PPP6R2: variants seen among roughly 807,000 people sequenced by gnomAD.
PPP6R2 encodes the protein protein phosphatase 6 regulatory subunit 2, also known as serine/threonine-protein phosphatase 6 regulatory subunit 2.
PPP6R2 carries 62 observed loss-of-function variants against 100.2 expected under a neutral mutation model. That is an observed-to-expected ratio of 0.62 (90% CI 0.50 to 0.76). The LOEUF is 0.76. PPP6R2 is among the 30% of genes least tolerant of loss of function. The pLI is 0.00. For synonymous variants in PPP6R2, 525 were observed against 514.7 expected, an observed-to-expected ratio of 1.02 and a Z score of -0.27; for missense variants, 1,142 against 1,276.3, an observed-to-expected ratio of 0.89 and a Z score of 1.60.
At chr22:50,356,898 C>T (rs889163279) in intron 1 of PPP6R2, among the ~76,000 whole-genome samples, 13 of 151,900 alleles carry the variant, frequency 8.6e-5, no homozygotes, top group African/African-American at 4.8e-5. Context: ...CGTGCCACTG[C>T]CCTCCAGCTT....
chr22:50,423,386 G>A lies in PPP6R2; in HGVS notation c.973-76G>A. The stretch of plus-strand genomic sequence containing the variant: ...GGCTGGGTCCCAGCCTAGAGTGATG[G>A]GCATGAGCCCAGAGACTCCAGCAGT... On this transcript the variant is annotated intron_variant, in intron 9 of 23. Transcript: ENST00000612753. This position sits in a 1 kb window ranked among gnomAD's most constrained non-coding sequence, Gnocchi z 4.8. 1 of 1,575,692 alleles carries A rather than the reference G, an allele frequency of 6.3e-7. No individual in the cohort carries two copies.
Position 50,396,457 on chromosome 22 carries a change from T to C in PPP6R2, c.227+2322T>C, listed in dbSNP as rs2056893951. On this transcript the variant is annotated intron_variant, in intron 3 of 23. Coordinates refer to ENST00000612753, the MANE Select transcript of PPP6R2 (RefSeq NM_001242898.2). ...TTTCAGTGAGCCAAGATCGCTCCAC[T>C]GCACTCCAGCCTGGGCGACAGAGTG... 3.4e-5 allele frequency among the ~76,000 whole-genome samples: 5 copies of C among 147,066 alleles called. No individual in the cohort carries two copies. In the South Asian group the frequency reaches 1.1e-3, roughly 31 times the overall value.
At chr22:50,416,613 G>C (rs958064350) in intron 6 of PPP6R2, among the ~76,000 whole-genome samples, 16 of 151,932 alleles carry the variant, frequency 1.1e-4, no homozygotes, top group Non-Finnish European at 5.9e-5. Flanking sequence ...TTACAGGAGT[G>C]AGCCACCATG....
chr22:50,338,089 T>C, the PPP6R2 span, among the ~76,000 whole-genome samples: 1 of 136,080 alleles, frequency 7.3e-6, no homozygotes, highest in Non-Finnish European at 1.6e-5. Context: ...TGATGTGTAG[T>C]GTGTGTGGTG....
chr22:50,427,575 C>T (rs1476379072), intron 10 of PPP6R2, among the ~76,000 whole-genome samples: 1 of 152,134 alleles, frequency 6.6e-6, no homozygotes, highest in Non-Finnish European at 1.5e-5. Flanking sequence ...ATTTTTGAGA[C>T]AGAACCTCAC....
At chr22:50,374,431 A>T (rs2050981142) in intron 2 of PPP6R2, among the ~76,000 whole-genome samples, 1 of 152,234 alleles carries the variant, frequency 6.6e-6, no homozygotes, top group African/African-American at 2.4e-5. Context: ...GAAAGACATT[A>T]TCCAAAGTGC....
chr22:50,431,289 G>A lies in PPP6R2; in HGVS notation c.1242G>A (p.Glu414=). 1.2e-6 allele frequency: 2 copies of A among 1,613,492 alleles called. No homozygotes were observed. The highest frequency in any genetic ancestry group is 1.7e-6 in the Non-Finnish European group (2 of 1,180,040). ...AGAGGACAGAAGCCAGCGGATCCGA[G>A]AGCAGGGTGGAGCCTCCGCATGAGA... ...REERTEASGS[E]SRVEPPHENG... Residue 414 remains glutamate (E), a synonymous_variant, in exon 11 of 24, where the codon GAG becomes GAA. Transcript: ENST00000612753. This position sits in a 1 kb window ranked among gnomAD's most constrained non-coding sequence, Gnocchi z 4.8.
intron 1 of PPP6R2, among the ~76,000 whole-genome samples, chr22:50,369,905 A>ATTTTTTTTTT (rs1353992863): frequency 1.6e-5 from 2 of 123,642 alleles, no homozygotes; most frequent in Non-Finnish European, 3.3e-5. Context: ...CAGCTAAGTA[A>ATTTTTTTTTT]TTTTTTTTTT....
upstream of PPP6R2, among the ~76,000 whole-genome samples, chr22:50,341,836 T>C (rs2042422223): frequency 6.6e-6 from 1 of 151,648 alleles, no homozygotes; most frequent in South Asian, 2.1e-4. Flanking sequence ...CTACTAAAAA[T>C]ACAAAAATTA....
chr22:50,391,673 A>G (rs760512762), intron 2 of PPP6R2, among the ~76,000 whole-genome samples: 1 of 150,898 alleles, frequency 6.6e-6, no homozygotes, highest in Admixed American at 6.6e-5. Flanking sequence ...ATTTATTGAA[A>G]TGGTTGAATT....
At chr22:50,376,768 A>G (rs1195835231) in intron 2 of PPP6R2, among the ~76,000 whole-genome samples, 2 of 152,020 alleles carry the variant, frequency 1.3e-5, no homozygotes, top group Non-Finnish European at 2.9e-5. Context: ...GGCTGGGTGC[A>G]GTGGCTCACG....
At chr22:50,337,104 A>AAG in the PPP6R2 span, among the ~76,000 whole-genome samples, 6 of 111,586 alleles carry the variant, frequency 5.4e-5, no homozygotes, top group African/African-American at 1.8e-4. Context: ...GGTGGTGATG[A>AAG]AGAGAGTGTG....
intron 14 of PPP6R2, 106 bp downstream of exon 14, chr22:50,436,558 G>A (rs2064317660): frequency 1.3e-5 from 14 of 1,107,420 alleles, no homozygotes; most frequent in Middle Eastern, 2.8e-4. Context: ...CACAAGGGCC[G>A]CACGCCTGCC....
At chr22:50,433,259 T>C (rs1452153770) in intron 12 of PPP6R2, among the ~76,000 whole-genome samples, 11 of 127,760 alleles carry the variant, frequency 8.6e-5, no homozygotes, top group Non-Finnish European at 1.7e-4. Flanking sequence ...GGGCCGGGCA[T>C]TTGCTCTGGA....
At chr22:50,434,868 G>T in intron 12 of PPP6R2, 98 bp from the exon 13 acceptor site, 1 of 1,072,674 alleles carries the variant, frequency 9.3e-7, no homozygotes. Flanking sequence ...CTTGCTCTCC[G>T]AAGTGAACCT....
At chr22:50,427,810 C>T (rs1279190312) in intron 10 of PPP6R2, among the ~76,000 whole-genome samples, 2 of 152,168 alleles carry the variant, frequency 1.3e-5, no homozygotes, top group Admixed American at 6.5e-5. Flanking sequence ...AGGCTCCGCC[C>T]CCCAGGTTCA....
intron 23 of PPP6R2, 37 bp from the exon 24 acceptor site, chr22:50,444,162 C>T (rs2066530719): frequency 3.1e-6 from 5 of 1,612,190 alleles, no homozygotes; most frequent in Non-Finnish European, 4.2e-6. Flanking sequence ...ACAGGGCCCG[C>T]AGCCCGCACG....
chr22:50,426,526 C>T (rs970590696), intron 10 of PPP6R2, among the ~76,000 whole-genome samples: 1 of 152,040 alleles, frequency 6.6e-6, no homozygotes, highest in African/African-American at 2.4e-5. Context: ...TCCAGTTTTC[C>T]CAGCACTTGT....
chr22:50,373,119 C>T (rs954639715), intron 2 of PPP6R2, among the ~76,000 whole-genome samples: 3 of 152,032 alleles, frequency 2.0e-5, no homozygotes, highest in Middle Eastern at 3.4e-3. Context: ...CACACAGTTA[C>T]GCAGAAAATG....
Sources: allele counts gnomAD v4.1 joint callset (sites outside exome capture counted in the v4.1 genomes callset), GRCh38; gene constraint gnomAD v4.1.1; non-coding constraint Gnocchi (gnomAD v3.1); transcripts MANE v1.5; gene names NCBI Gene and HGNC (gene_info 2026-07-23, HGNC 2026-07-21).